Variants in DNAJC3 observed in about 807,000 individuals in gnomAD.
DNAJC3 encodes the protein dnaJ homolog subfamily C member 3.
A neutral mutation model predicts 68.6 loss-of-function variants in DNAJC3; 38 were observed. That is an observed-to-expected ratio of 0.55 (90% confidence interval 0.43 to 0.73). The LOEUF (loss-of-function observed/expected upper bound fraction) is 0.73. Ranked by LOEUF, DNAJC3 falls within the 30% of genes least tolerant of loss-of-function variation. The pLI, the probability that DNAJC3 is intolerant of heterozygous loss-of-function variation, is 0.00. For missense variants in DNAJC3, 526 were observed against 591.9 expected (o/e 0.89, Z 1.16); for synonymous variants, 203 against 204.0 (o/e 1.00, Z 0.04).
intron 11 of DNAJC3, among the ~76,000 whole-genome samples, chr13:95,789,469 G>C (rs963282781): frequency 3.3e-5 from 5 of 152,184 alleles, no homozygotes; most frequent in African/African-American, 1.2e-4. Flanking sequence ...CCATGCCCCT[G>C]CAAGAGGACA....
chr13:95,725,026 G>C, intron 3 of DNAJC3, 152 bp from the exon 4 acceptor site: 1 of 465,742 alleles, frequency 2.1e-6, no homozygotes, highest in African/African-American at 2.0e-5. Context: ...ACATTCATTG[G>C]TTCCAGGAAT....
At chr13:95,753,853 T>C (rs910867359) in intron 4 of DNAJC3, among the ~76,000 whole-genome samples, 1 of 152,114 alleles carries the variant, frequency 6.6e-6, no homozygotes, top group Non-Finnish European at 1.5e-5. Flanking sequence ...CTTTTATTGG[T>C]AAAGAAAATG....
intron 9 of DNAJC3, among the ~76,000 whole-genome samples, chr13:95,781,752 ATTCT>A (rs1883461195): frequency 6.6e-6 from 1 of 151,592 alleles, no homozygotes; most frequent in Non-Finnish European, 1.5e-5. Flanking sequence ...TGTCTGGCTT[ATTCT>A]ATTTTTCATA....
chr13:95,685,104 C>T (rs768591789), intron 1 of DNAJC3, among the ~76,000 whole-genome samples: 18 of 152,340 alleles, frequency 1.2e-4, no homozygotes, highest in Admixed American at 2.0e-4. Context: ...ATGGTAGATC[C>T]GCTGACAGCT....
Position 95,791,439 on chromosome 13 carries a change from G to A in DNAJC3, c.*409G>A. 4.9e-6 allele frequency: 1 copy of A among 204,986 alleles called. No homozygotes were observed. Among genetic ancestry groups the A allele is most frequent in the South Asian group, 7.6e-5 (1 of 13,082 alleles). 12.7% of individuals were successfully genotyped at this position (204,986 alleles called of 1,614,324 possible). A position where few individuals can be genotyped will look rare whatever the true frequency, so the allele number is the denominator to read the frequency against. On this transcript the variant is annotated 3_prime_UTR_variant, in exon 12 of 12. Coordinates refer to ENST00000602402, the MANE Select transcript of DNAJC3 (RefSeq NM_006260.5). The stretch of plus-strand genomic sequence containing the variant: ...TCTTCATGAGGATGGTTATACTTCA[G>A]TATTCTTAAAGAGAACATGAACATT...
chr13:95,689,791 C>G (rs955978797), intron 1 of DNAJC3, among the ~76,000 whole-genome samples: 1 of 151,970 alleles, frequency 6.6e-6, no homozygotes, highest in Non-Finnish European at 1.5e-5. Context: ...TTTTGGTATG[C>G]TATGTTTCTG....
At chr13:95,681,116 A>C (rs1173054335) in intron 1 of DNAJC3, among the ~76,000 whole-genome samples, 2 of 152,188 alleles carry the variant, frequency 1.3e-5, no homozygotes. Flanking sequence ...TTTGTGAAGC[A>C]TTCACGTCCT....
At chr13:95,758,714 A>T (rs1882737980) in intron 5 of DNAJC3, among the ~76,000 whole-genome samples, 4 of 152,114 alleles carry the variant, frequency 2.6e-5, no homozygotes, top group Admixed American at 2.6e-4. Context: ...CCTCTGAAGG[A>T]TTTAATGACA....
intron 9 of DNAJC3, among the ~76,000 whole-genome samples, chr13:95,781,724 TTATC>T (rs142488988): frequency 0.02 from 3,069 of 152,230 alleles, 151 homozygotes; most frequent in East Asian, 0.16. Context: ...ATGGTATTCT[TTATC>T]TAGGGCTGAT....
intron 11 of DNAJC3, 66 bp from the exon 12 acceptor site, chr13:95,790,807 A>AAAAC: frequency 6.6e-7 from 1 of 1,521,152 alleles, no homozygotes; most frequent in South Asian, 1.2e-5. Context: ...CTGCCCAAAG[A>AAAAC]AAACATTCCC....
At chr13:95,680,966 G>A (rs1879894794) in intron 1 of DNAJC3, among the ~76,000 whole-genome samples, 1 of 152,142 alleles carries the variant, frequency 6.6e-6, no homozygotes, top group African/African-American at 2.4e-5. Context: ...TGGAGTTCTG[G>A]AATATGGAGA....
intron 5 of DNAJC3, 39 bp from the exon 6 acceptor site, chr13:95,760,001 T>A: frequency 6.6e-7 from 1 of 1,513,638 alleles, no homozygotes; most frequent in Non-Finnish European, 8.8e-7. Flanking sequence ...ATGTGCATAA[T>A]TTATTCTTTC....
chr13:95,742,392 G>A (rs1882173015), intron 4 of DNAJC3, among the ~76,000 whole-genome samples: 1 of 152,174 alleles, frequency 6.6e-6, no homozygotes, highest in African/African-American at 2.4e-5. Context: ...GACTTGGAAG[G>A]TGTGTAGGAT....
chr13:95,790,337 GC>G (rs1250983735), intron 11 of DNAJC3, among the ~76,000 whole-genome samples: 1 of 152,134 alleles, frequency 6.6e-6, no homozygotes, highest in African/African-American at 2.4e-5. Context: ...GGGCTCAGAG[GC>G]CCCGCTGTGG....
At chr13:95,689,560 C>G (rs1360521373) in intron 1 of DNAJC3, among the ~76,000 whole-genome samples, 1 of 151,212 alleles carries the variant, frequency 6.6e-6, no homozygotes, top group East Asian at 1.9e-4. Flanking sequence ...TTTTGTAGAT[C>G]CTTTTTCTTT....
chr13:95,726,384 G>T (rs1337722040), intron 4 of DNAJC3, among the ~76,000 whole-genome samples: 1 of 152,104 alleles, frequency 6.6e-6, no homozygotes, highest in Non-Finnish European at 1.5e-5. Flanking sequence ...GTGTGAGTTG[G>T]TATCTCATTG....
At chr13:95,716,137 G>A (rs112071147) in intron 2 of DNAJC3, among the ~76,000 whole-genome samples, 2,599 of 152,194 alleles carry the variant, frequency 0.017, 79 homozygotes, top group African/African-American at 0.06. Context: ...CAGCCTGGGC[G>A]AGAGTGAGAC....
At chr13:95,790,590 T>C (rs1883738606) in intron 11 of DNAJC3, among the ~76,000 whole-genome samples, 1 of 152,200 alleles carries the variant, frequency 6.6e-6, no homozygotes, top group African/African-American at 2.4e-5. Flanking sequence ...TGGGTAGTTA[T>C]CAAGCTTGGG....
chr13:95,711,774 T>C (rs1402659609), intron 2 of DNAJC3, among the ~76,000 whole-genome samples: 1 of 152,202 alleles, frequency 6.6e-6, no homozygotes, highest in Admixed American at 6.5e-5. Flanking sequence ...TGGAAGGCTT[T>C]AGCGTCTTTC....
Sources: gnomAD v4.1 joint callset for allele counts (sites outside exome capture counted in the v4.1 genomes callset) on GRCh38, gnomAD v4.1.1 for gene constraint, MANE v1.5 for transcripts, NCBI Gene and HGNC (gene_info 2026-07-23, HGNC 2026-07-21) for gene names.